Variants in DNAJB6 observed in about 807,000 individuals in gnomAD.
DNAJB6 encodes the protein dnaJ homolog subfamily B member 6.
A neutral mutation model predicts 42.7 loss-of-function variants in DNAJB6; 16 were observed. That is an observed-to-expected ratio of 0.37 (90% CI 0.25 to 0.57). The LOEUF is 0.57. Among genes scored for constraint, DNAJB6 ranks in the 20% least tolerant of loss-of-function variants. The probability of loss-of-function intolerance (pLI) is 0.74; values close to 1 mark genes in which losing one functional copy is unlikely to be tolerated. For missense variants in DNAJB6, 347 were observed against 416.8 expected (o/e 0.83, Z 1.46); for synonymous variants, 170 against 163.5 (o/e 1.04, Z -0.30).
intron 8 of DNAJB6, among the ~76,000 whole-genome samples, chr7:157,400,120 T>C (rs1263436103): frequency 7.3e-5 from 11 of 150,938 alleles, no homozygotes; most frequent in Non-Finnish European, 1.6e-4. Context: ...ACTAATAAGG[T>C]TTAATACAGT....
At chr7:157,344,683 C>T (rs1348397385) in intron 1 of DNAJB6, among the ~76,000 whole-genome samples, 4 of 152,274 alleles carry the variant, frequency 2.6e-5, no homozygotes, top group South Asian at 4.1e-4. Context: ...GGTGCGTTCA[C>T]GTCTCACTAG....
intron 5 of DNAJB6, 81 bp from the exon 6 acceptor site, chr7:157,382,165 A>AT: frequency 1.4e-6 from 2 of 1,459,588 alleles, no homozygotes; most frequent in South Asian, 2.9e-5. Flanking sequence ...ACAAACATCT[A>AT]TTTTCTCTTA....
In DNAJB6 at chr7:157,373,543, GT is replaced by G. The variant is rs1800322882; in HGVS notation, c.346+6063del. 2.0e-5 allele frequency among the ~76,000 whole-genome samples: 3 copies of G among 152,292 alleles called. No homozygotes were observed. The South Asian group carries it at 6.2e-4, about 32-fold the overall frequency. ...TGTTTGTGTTTTTAGTAGAGACGGA[GT>G]TTCACCATGTTGGCCAGGCTAGTCT... On this transcript the variant is annotated intron_variant, in intron 5 of 9. Coordinates refer to ENST00000262177, the MANE Select transcript of DNAJB6 (RefSeq NM_058246.4).
chr7:157,351,661 CAAA>C (rs996992597), intron 1 of DNAJB6, among the ~76,000 whole-genome samples: 3 of 36,386 alleles, frequency 8.2e-5, no homozygotes, highest in Non-Finnish European at 1.4e-4. Flanking sequence ...ACAACAACAA[CAAA>C]AAAAACCACA....
chr7:157,409,657 G>A, intron 8 of DNAJB6, 138 bp from the exon 9 acceptor site: 1 of 992,050 alleles, frequency 1.0e-6, no homozygotes, highest in Non-Finnish European at 1.4e-6. Context: ...GAAGAAAGGA[G>A]ATAACCTCTT....
At chr7:157,399,793 G>A (rs1292187303) in intron 8 of DNAJB6, among the ~76,000 whole-genome samples, 1 of 152,050 alleles carries the variant, frequency 6.6e-6, no homozygotes, top group African/African-American at 2.4e-5. Context: ...CTTAGCCTCT[G>A]GAGTAGCTGG....
At chr7:157,402,834 C>A (rs1052776517) in intron 8 of DNAJB6, among the ~76,000 whole-genome samples, 3 of 152,248 alleles carry the variant, frequency 2.0e-5, no homozygotes, top group African/African-American at 7.2e-5. Flanking sequence ...TGGGAACAGT[C>A]ATCACCGTGG....
intron 8 of DNAJB6, among the ~76,000 whole-genome samples, chr7:157,393,738 C>T (rs1423282424): frequency 6.6e-6 from 1 of 151,712 alleles, no homozygotes; most frequent in African/African-American, 2.4e-5. Context: ...TGCATGTGTG[C>T]AGTGGGTGAT....
At chr7:157,346,278 A>C (rs1254907999) in intron 1 of DNAJB6, among the ~76,000 whole-genome samples, 1 of 144,224 alleles carries the variant, frequency 6.9e-6, no homozygotes, top group African/African-American at 2.5e-5. Flanking sequence ...TACTCCGGGC[A>C]CACTGCCTAT....
At chr7:157,382,104 A>C (rs1372533291) in intron 5 of DNAJB6, 142 bp from the exon 6 acceptor site, 7 of 831,490 alleles carry the variant, frequency 8.4e-6, no homozygotes, top group Non-Finnish European at 1.2e-5. Context: ...GTTACTCTGT[A>C]GATAAGCTCT....
intron 1 of DNAJB6, among the ~76,000 whole-genome samples, chr7:157,353,185 C>G (rs1799087169): frequency 6.6e-6 from 1 of 150,496 alleles, no homozygotes; most frequent in African/African-American, 2.4e-5. Flanking sequence ...GCCTCGGGCT[C>G]CTAAAGTGTT....
At position 157,363,282 on chromosome 7, in the gene DNAJB6, C is replaced by T. The variant is rs1365128479; in HGVS notation, c.175+12C>T. Reference sequence around the variant, plus strand: ...AGTGCTGTCGGATGGTGAGTGACAGCGAGCTGCTGAAGGACCCTGAGCGGG... The same window carrying T: ...AGTGCTGTCGGATGGTGAGTGACAGTGAGCTGCTGAAGGACCCTGAGCGGG... On this transcript the variant is annotated intron_variant, in intron 3 of 9. Transcript: ENST00000262177. 9.5e-6 allele frequency: 15 copies of T among 1,581,910 alleles called. No individual in the cohort carries two copies. Among genetic ancestry groups the T allele is most frequent in the East Asian group, 9.0e-5 (4 of 44,620 alleles).
intron 8 of DNAJB6, among the ~76,000 whole-genome samples, chr7:157,398,365 C>T (rs1488308150): frequency 1.3e-5 from 2 of 152,156 alleles, no homozygotes; most frequent in Non-Finnish European, 2.9e-5. Context: ...GACTAACCCC[C>T]CTCTCTCCCC....
At chr7:157,399,847 TTAG>T (rs1443096198) in intron 8 of DNAJB6, among the ~76,000 whole-genome samples, 2 of 152,120 alleles carry the variant, frequency 1.3e-5, no homozygotes, top group Non-Finnish European at 2.9e-5. Flanking sequence ...TTTTGTATTT[TTAG>T]TAGAGACGGG....
At chr7:157,360,302 T>C (rs971594574) in intron 2 of DNAJB6, among the ~76,000 whole-genome samples, 9 of 152,140 alleles carry the variant, frequency 5.9e-5, no homozygotes, top group Non-Finnish European at 8.8e-5. Flanking sequence ...TGAGGCTTAT[T>C]ATCAGGAGAA....
intron 8 of DNAJB6, among the ~76,000 whole-genome samples, chr7:157,395,477 G>GAGA (rs1180637083): frequency 6.6e-6 from 1 of 152,198 alleles, no homozygotes; most frequent in East Asian, 1.9e-4. Flanking sequence ...TGAGCTTCAG[G>GAGA]AGAGGCAGTT....
intron 9 of DNAJB6, chr7:157,411,466 TGGGGAGGCTC>T (rs1795975031): frequency 2.2e-5 from 3 of 137,926 alleles, no homozygotes; most frequent in Non-Finnish European, 4.7e-5. Flanking sequence ...GAGCGGGCGT[TGGGGAGGCTC>T]CCCAGGGTCT....
chr7:157,393,304 TATC>T (rs936531777), intron 8 of DNAJB6, among the ~76,000 whole-genome samples: 6 of 152,348 alleles, frequency 3.9e-5, no homozygotes, highest in African/African-American at 1.4e-4. Flanking sequence ...AGAATTGGAA[TATC>T]ATATTTTTTA....
chr7:157,353,834 A>T (rs1248694051), intron 1 of DNAJB6, among the ~76,000 whole-genome samples: 44 of 149,488 alleles, frequency 2.9e-4, no homozygotes, highest in Admixed American at 2.9e-3. Flanking sequence ...AGCTACTTAA[A>T]TTTTTTTTTT....
Sources: gnomAD v4.1 joint callset for allele counts (sites outside exome capture counted in the v4.1 genomes callset) on GRCh38, gnomAD v4.1.1 for gene constraint, MANE v1.5 for transcripts, NCBI Gene and HGNC (gene_info 2026-07-23, HGNC 2026-07-21) for gene names.